The following CCSER1 variants were observed in gnomAD, a reference collection of about 807,000 sequenced individuals.
The protein encoded by CCSER1 is serine-rich coiled-coil domain-containing protein 1.
CCSER1 carries 41 observed loss-of-function variants against 82.0 expected under a neutral mutation model. That is an observed-to-expected ratio of 0.50 (90% confidence interval 0.39 to 0.65). CCSER1 has a LOEUF of 0.65. Among genes scored for constraint, CCSER1 ranks in the 30% least tolerant of loss-of-function variants. CCSER1 has a pLI of 0.00. For synonymous variants in CCSER1, 414 were observed against 383.9 expected (o/e 1.08, Z -0.92); for missense variants, 1,119 against 1,064.2 (o/e 1.05, Z -0.72).
At chr4:91,559,135 C>T (rs1316782438) in intron 10 of CCSER1, among the ~76,000 whole-genome samples, 1 of 151,534 alleles carries the variant, frequency 6.6e-6, no homozygotes, top group Non-Finnish European at 1.5e-5. Context: ...ATATGGACCT[C>T]TGTCAACTAT....
intron 5 of CCSER1, among the ~76,000 whole-genome samples, chr4:90,514,789 A>G (rs115925834): frequency 0.038 from 5,803 of 152,164 alleles, 154 homozygotes; most frequent in Middle Eastern, 0.085. Context: ...TTAAACCTTT[A>G]TAATAATATA....
At chr4:90,339,154 C>G (rs975800290) in intron 3 of CCSER1, among the ~76,000 whole-genome samples, 5 of 152,192 alleles carry the variant, frequency 3.3e-5, no homozygotes, top group African/African-American at 1.2e-4. Context: ...TTCCCCGTTA[C>G]TCATGCCAAA....
chr4:91,579,110 T>C (rs902798458), intron 10 of CCSER1, among the ~76,000 whole-genome samples: 5 of 151,462 alleles, frequency 3.3e-5, no homozygotes, highest in African/African-American at 1.2e-4. Context: ...TCCTTTACTA[T>C]TATTATTATA....
intron 8 of CCSER1, among the ~76,000 whole-genome samples, chr4:90,851,854 A>T (rs1763931782): frequency 6.6e-6 from 1 of 152,184 alleles, no homozygotes; most frequent in Non-Finnish European, 1.5e-5. Context: ...GTGGCATGTT[A>T]TCTGTGCGTT....
At chr4:91,476,639 A>G (rs531351475) in intron 10 of CCSER1, among the ~76,000 whole-genome samples, 1 of 150,804 alleles carries the variant, frequency 6.6e-6, no homozygotes, top group Admixed American at 6.6e-5. Flanking sequence ...ATATTACCTG[A>G]CTTCAAAATA....
intron 9 of CCSER1, among the ~76,000 whole-genome samples, chr4:90,953,959 AT>A (rs1423290863): frequency 6.6e-6 from 1 of 151,958 alleles, no homozygotes; most frequent in Non-Finnish European, 1.5e-5. Context: ...AGGTTCATAA[AT>A]TTTTCTTTAA....
chr4:90,240,486 T>G (rs1229180798), intron 1 of CCSER1, among the ~76,000 whole-genome samples: 1 of 152,178 alleles, frequency 6.6e-6, no homozygotes, highest in Non-Finnish European at 1.5e-5. Flanking sequence ...CTGACTCCTG[T>G]GTCACCAGAA....
In CCSER1 at chr4:90,160,753, A is replaced by G. The variant is rs531053426; in HGVS notation, c.-42+32922A>G. On this transcript the variant is annotated intron_variant, in intron 1 of 10. Transcript: ENST00000509176. The stretch of plus-strand genomic sequence containing the variant: ...ATTGGAAGCTATGGGAAACAATAGA[A>G]TGTAGACCTCTAGAGGAAGAGTTAA... Among the ~76,000 whole-genome samples, 4 of 152,306 alleles carry G rather than the reference A, an allele frequency of 2.6e-5. No homozygotes were observed. In the South Asian group the frequency reaches 8.3e-4, roughly 32 times the overall value.
chr4:91,586,417 C>G (rs1204400609), intron 10 of CCSER1, among the ~76,000 whole-genome samples: 1 of 151,458 alleles, frequency 6.6e-6, no homozygotes, highest in Non-Finnish European at 1.5e-5. Context: ...AAGACCCAAG[C>G]GTTTAGTTGG....
chr4:91,199,673 GA>G (rs1201326608), intron 10 of CCSER1, among the ~76,000 whole-genome samples: 32 of 152,042 alleles, frequency 2.1e-4, no homozygotes, highest in Admixed American at 1.9e-3. Context: ...AAGAGTTTGA[GA>G]ATCATTAATA....
At chr4:91,556,564 CA>C (rs1357869925) in intron 10 of CCSER1, among the ~76,000 whole-genome samples, 4 of 150,320 alleles carry the variant, frequency 2.7e-5, no homozygotes, top group Middle Eastern at 3.4e-3. Context: ...TGAAAAAAGG[CA>C]AAAAAATGAG....
At chr4:90,910,118 G>A (rs1726109818) in intron 8 of CCSER1, among the ~76,000 whole-genome samples, 2 of 152,236 alleles carry the variant, frequency 1.3e-5, no homozygotes, top group Middle Eastern at 3.4e-3. Context: ...GAGAGAGAAA[G>A]AGAGAGCAAA....
intron 9 of CCSER1, among the ~76,000 whole-genome samples, chr4:90,995,134 A>T (rs910820605): frequency 2.0e-4 from 31 of 152,292 alleles, no homozygotes; most frequent in African/African-American, 7.2e-4. Flanking sequence ...CACTTTACAG[A>T]TGCATAAAGT....
At chr4:90,343,642 C>T (rs1167559933) in intron 3 of CCSER1, among the ~76,000 whole-genome samples, 1 of 152,082 alleles carries the variant, frequency 6.6e-6, no homozygotes, top group East Asian at 1.9e-4. Context: ...CAAAACAAAA[C>T]TAGACTATAT....
At chr4:91,371,500 C>G (rs1022153571) in intron 10 of CCSER1, among the ~76,000 whole-genome samples, 1 of 152,108 alleles carries the variant, frequency 6.6e-6, no homozygotes, top group African/African-American at 2.4e-5. Context: ...TTGCAAATGA[C>G]AGGTTCTCTT....
rs556074887 is a variant in CCSER1 at position 91,013,482 on chromosome 4, A to G, written c.2173-72468A>G. On this transcript the variant is annotated intron_variant, in intron 9 of 10. Transcript: ENST00000509176. ...TAGATTACTTTAACATTGTAATATG[A>G]TTTGAAACCAGGAATTGTAAAGCCT... Among the ~76,000 whole-genome samples the G allele has an allele frequency of 4.5e-5, 6 of 133,104 alleles. 1 individual carries two copies. Among genetic ancestry groups the G allele is most frequent in the South Asian group, 4.8e-4 (2 of 4,168 alleles). 87.3% of individuals were successfully genotyped at this position (133,104 alleles called of 152,430 possible).
intron 10 of CCSER1, among the ~76,000 whole-genome samples, chr4:91,390,244 A>G (rs1751566146): frequency 1.3e-5 from 2 of 152,012 alleles, no homozygotes; most frequent in South Asian, 4.1e-4. Flanking sequence ...ATTTTATTTT[A>G]TCATGGTTGG....
chr4:90,842,495 G>A (rs543438719), intron 8 of CCSER1, among the ~76,000 whole-genome samples: 53 of 152,246 alleles, frequency 3.5e-4, no homozygotes, highest in African/African-American at 1.3e-3. Flanking sequence ...CAGGAAACTG[G>A]TCTAATTTAG....
chr4:91,212,995 G>T (rs563153809), intron 10 of CCSER1, among the ~76,000 whole-genome samples: 1 of 152,168 alleles, frequency 6.6e-6, no homozygotes, highest in East Asian at 1.9e-4. Context: ...GTGGTAGTTT[G>T]TTTTCTGTTT....
Sources: gnomAD v4.1 joint callset for allele counts (sites outside exome capture counted in the v4.1 genomes callset) on GRCh38, gnomAD v4.1.1 for gene constraint, MANE v1.5 for transcripts, NCBI Gene and HGNC (gene_info 2026-07-23, HGNC 2026-07-21) for gene names.